DLGAP2: variants seen among roughly 807,000 people sequenced by gnomAD.
DLGAP2 encodes the protein DLG associated protein 2.
A neutral mutation model predicts 100.3 loss-of-function variants in DLGAP2; 26 were observed. The observed-to-expected ratio is 0.26, with a 90% confidence interval of 0.19 to 0.36. The LOEUF (loss-of-function observed/expected upper bound fraction) is 0.36. Ranked by LOEUF, DLGAP2 falls within the 10% of genes least tolerant of loss-of-function variation. The probability of loss-of-function intolerance (pLI) is 1.00; values close to 1 mark genes in which losing one functional copy is unlikely to be tolerated. For missense variants in DLGAP2, 1,858 were observed against 1,453.2 expected (o/e 1.28, Z -4.53); for synonymous variants, 886 against 630.1 (o/e 1.41, Z -6.08).
At chr8:1,104,019 A>G (rs1804672027) in intron 2 of DLGAP2, among the ~76,000 whole-genome samples, 1 of 152,202 alleles carries the variant, frequency 6.6e-6, no homozygotes, top group Non-Finnish European at 1.5e-5. Flanking sequence ...AAGAACACAA[A>G]GCGCTTGCTT....
intron 3 of DLGAP2, among the ~76,000 whole-genome samples, chr8:1,282,915 A>T (rs140421609): frequency 8.1e-6 from 1 of 122,770 alleles, no homozygotes; most frequent in African/African-American, 3.0e-5. Flanking sequence ...TGAACCCAGC[A>T]CGTGAACCAT....
chr8:1,299,703 G>A (rs959977372), intron 3 of DLGAP2, among the ~76,000 whole-genome samples: 4 of 152,074 alleles, frequency 2.6e-5, no homozygotes, highest in African/African-American at 9.7e-5. Context: ...TTAAAGTACT[G>A]TGAGCTCCTC....
chr8:1,249,507 CTT>C (rs1403352620), intron 2 of DLGAP2, among the ~76,000 whole-genome samples: 1 of 152,204 alleles, frequency 6.6e-6, no homozygotes, highest in East Asian at 1.9e-4. Context: ...ACTGAACAAT[CTT>C]TTGCTTGATG....
At chr8:1,594,296 C>G (rs76041793) in intron 6 of DLGAP2, among the ~76,000 whole-genome samples, 4 of 151,862 alleles carry the variant, frequency 2.6e-5, no homozygotes, top group Admixed American at 1.3e-4. Context: ...ATGATTTATT[C>G]GACAGAGAAT....
chr8:1,672,203 T>A (rs553479102), intron 10 of DLGAP2, among the ~76,000 whole-genome samples: 45 of 151,114 alleles, frequency 3.0e-4, no homozygotes, highest in African/African-American at 1.1e-3. Context: ...GAGATCAGTT[T>A]TTTTGTTGTT....
At chr8:1,200,478 C>A (rs1797846981) in intron 2 of DLGAP2, among the ~76,000 whole-genome samples, 1 of 152,294 alleles carries the variant, frequency 6.6e-6, no homozygotes, top group East Asian at 1.9e-4. Context: ...ATAAACCATC[C>A]ATCTGGCCTC....
chr8:1,385,885 G>A (rs936496881), intron 3 of DLGAP2, among the ~76,000 whole-genome samples: 1 of 149,016 alleles, frequency 6.7e-6, no homozygotes, highest in Non-Finnish European at 1.5e-5. Context: ...CCTGTGCCCG[G>A]CCCCTGAGAA....
Position 1,232,890 on chromosome 8 carries a change from A to C in DLGAP2, c.74-25961A>C, listed in dbSNP as rs150205516. The stretch of plus-strand genomic sequence containing the variant: ...GTTGTGCAGCCATCGCCATAATCTA[A>C]TTTTAGAATATTTTATCATCATTAG... On this transcript the variant is annotated intron_variant, in intron 2 of 14. Transcript: ENST00000637795. Among the ~76,000 whole-genome samples the C allele has an allele frequency of 3.1e-3, 479 of 152,302 alleles. 1 individual carries two copies. The highest frequency in any genetic ancestry group is 9.4e-3 in the African/African-American group (389 of 41,572).
chr8:764,231 A>C (rs901906346), intron 1 of DLGAP2, among the ~76,000 whole-genome samples: 2 of 152,206 alleles, frequency 1.3e-5, no homozygotes, highest in Non-Finnish European at 2.9e-5. Context: ...GCGTGGATTT[A>C]GACTGGAAGG....
intron 8 of DLGAP2, among the ~76,000 whole-genome samples, chr8:1,647,911 A>G (rs1445785898): frequency 1.3e-5 from 2 of 152,076 alleles, no homozygotes; most frequent in Non-Finnish European, 2.9e-5. Context: ...TGGTGGAAAA[A>G]GCGTAAGGAA....
At chr8:1,363,642 C>G (rs1399349933) in intron 3 of DLGAP2, among the ~76,000 whole-genome samples, 1 of 152,238 alleles carries the variant, frequency 6.6e-6, no homozygotes, top group Non-Finnish European at 1.5e-5. Context: ...CCTCTGTCTT[C>G]TGGCCCTCTT....
At chr8:1,494,904 A>G (rs1019264560) in intron 3 of DLGAP2, among the ~76,000 whole-genome samples, 4 of 152,134 alleles carry the variant, frequency 2.6e-5, no homozygotes, top group African/African-American at 9.7e-5. Context: ...CCAGGCGTCA[A>G]TTTCTGCATC....
intron 1 of DLGAP2, among the ~76,000 whole-genome samples, chr8:773,765 G>C (rs1321398064): frequency 6.6e-6 from 1 of 152,050 alleles, no homozygotes; most frequent in Non-Finnish European, 1.5e-5. Context: ...CATTTGGGTT[G>C]GTTCCAAGGC....
chr8:868,870 G>T (rs922333982), intron 1 of DLGAP2, among the ~76,000 whole-genome samples: 1 of 152,234 alleles, frequency 6.6e-6, no homozygotes, highest in Middle Eastern at 3.2e-3. Flanking sequence ...GGGTGAAGTG[G>T]GGGCCGCGCA....
chr8:1,445,192 C>T (rs1797950861), intron 3 of DLGAP2, among the ~76,000 whole-genome samples: 2 of 147,886 alleles, frequency 1.4e-5, no homozygotes, highest in Admixed American at 1.4e-4. Context: ...CACCCATTAA[C>T]TCGTCATTTA....
At position 1,668,369 on chromosome 8, in the gene DLGAP2, GC is replaced by G; in HGVS notation, c.1856del (p.Pro619LeufsTer8). On this transcript the variant is annotated frameshift_variant, in exon 9 of 15. Transcript: ENST00000637795. LOFTEE classifies it high-confidence loss of function. ...TNYKKTPPPV[P>X]PRTTSKPLIS... ...ATTACAAGAAAACGCCCCCACCGGTGCCCCCTCGGACCACCTCCAAGCCTCT... is the reference window on the plus strand; with the variant it reads ...ATTACAAGAAAACGCCCCCACCGGTGCCCCTCGGACCACCTCCAAGCCTCT... The G allele has an allele frequency of 6.4e-7, 1 of 1,559,430 alleles. No homozygotes were observed.
chr8:760,294 G>A (rs549867881), intron 1 of DLGAP2, among the ~76,000 whole-genome samples: 2 of 152,262 alleles, frequency 1.3e-5, no homozygotes, highest in South Asian at 4.1e-4. Context: ...AGTCTTCACT[G>A]TGACCTTCAG....
Position 1,701,545 on chromosome 8 carries a change from C to G in DLGAP2, c.*139C>G. The G allele has an allele frequency of 1.1e-6, 1 of 931,258 alleles. No homozygotes were observed. The highest frequency in any genetic ancestry group is 1.6e-6 in the Non-Finnish European group (1 of 641,768). 57.7% of individuals were successfully genotyped at this position (931,258 alleles called of 1,614,324 possible). ...CGCGCTCCCCGCGCCCCGGACACAG[C>G]GGGACGCGGCCGGCGGCCTCAGAGT... On this transcript the variant is annotated 3_prime_UTR_variant, in exon 15 of 15. Transcript: ENST00000637795.
At chr8:1,193,300 G>C (rs972201115) in intron 2 of DLGAP2, among the ~76,000 whole-genome samples, 5 of 152,202 alleles carry the variant, frequency 3.3e-5, no homozygotes, top group African/African-American at 1.2e-4. Context: ...CAGTGTAAAA[G>C]TGTTCCCATT....
Sources: allele counts gnomAD v4.1 joint callset (sites outside exome capture counted in the v4.1 genomes callset), GRCh38; gene constraint gnomAD v4.1.1; transcripts MANE v1.5; gene names NCBI Gene and HGNC (gene_info 2026-07-23, HGNC 2026-07-21).